The following KLK8 variants were observed in gnomAD, a reference collection of about 807,000 sequenced individuals.
The protein encoded by KLK8 is kallikrein-8.
A neutral mutation model predicts 26.7 loss-of-function variants in KLK8; 18 were observed. The ratio of observed to expected loss-of-function variants is 0.67; its 90% confidence interval spans 0.47 to 1.00. The LOEUF is 1.00. Ranked by LOEUF, KLK8 falls within the 50% of genes least tolerant of loss-of-function variation. The pLI is 0.00. For missense variants in KLK8, 301 were observed against 331.7 expected, an observed-to-expected ratio of 0.91 and a Z score of 0.72; for synonymous variants, 137 against 127.1, an observed-to-expected ratio of 1.08 and a Z score of -0.52.
chr19:50,998,068 G>T, intron 5 of KLK8, 184 bp from the exon 5 acceptor site: 1 of 655,714 alleles, frequency 1.5e-6, no homozygotes, highest in Non-Finnish European at 2.5e-6. Context: ...TGTACTTGTT[G>T]CTATTGGGCT....
intron 4 of KLK8, 62 bp downstream of exon 3, chr19:51,000,362 C>G (rs1192736110): frequency 2.6e-6 from 4 of 1,549,114 alleles, no homozygotes; most frequent in Non-Finnish European, 3.5e-6. Flanking sequence ...CTTCCTGAGT[C>G]GAAACCCCAG....
intron 4 of KLK8, 27 bp downstream of exon 3, chr19:51,000,397 T>C (rs10410942): frequency 0.083 from 131,333 of 1,578,184 alleles, 9,059 homozygotes; most frequent in African/African-American, 0.36. Context: ...AAGCCCCAGC[T>C]GACCTCTGCC....
intron 2 of KLK8, 54 bp from the exon 2 acceptor site, chr19:51,001,229 C>T: frequency 6.6e-7 from 1 of 1,523,958 alleles, no homozygotes; most frequent in Non-Finnish European, 9.0e-7. Context: ...CCTGAGCTCC[C>T]AGTTCTGGAT....
At chr19:50,997,860 C>G in exon 6 of KLK8, 1 of 1,614,188 alleles carries the variant, frequency 6.2e-7, no homozygotes, top group South Asian at 1.1e-5. Context: ...TACTTCTGCA[C>G]AGTTGAGAGT....
chr19:51,000,976 A>T (rs1490792662), intron 3 of KLK8, 122 bp downstream of exon 2: 5 of 974,272 alleles, frequency 5.1e-6, no homozygotes, highest in Non-Finnish European at 7.7e-6. Context: ...CCTGCACCGT[A>T]TCGCACTCTT....
intron 2 of KLK8, 105 bp downstream of exon 1, chr19:51,001,427 A>C (rs774300209): frequency 4.0e-6 from 2 of 501,050 alleles, no homozygotes; most frequent in Non-Finnish European, 7.2e-6. Flanking sequence ...CGGGGTCCAG[A>C]CTGCTGGATC....
intron 6 of KLK8, 116 bp from the exon 6 acceptor site, chr19:50,996,330 G>A (rs1026359675): frequency 5.7e-5 from 63 of 1,106,450 alleles, no homozygotes; most frequent in Non-Finnish European, 7.2e-5. Context: ...AGCCAATGGG[G>A]GTAAAAGCAT....
At position 51,001,080 on chromosome 19, in the gene KLK8, C is replaced by T. The variant is rs892898215; in HGVS notation, c.70+18G>A. 1.2e-6 allele frequency: 2 copies of T among 1,606,054 alleles called. No homozygotes were observed. The highest frequency in any genetic ancestry group is 2.2e-5 in the South Asian group (2 of 89,338). On this transcript the variant is annotated intron_variant, in intron 3 of 6. Transcript: ENST00000600767. ...CTTCAGATCCCTCCCCTCCGGAGGC[C>T]TCCGCAACCCTCCTCACCTGCCCAG... is the stretch of plus-strand genomic sequence containing the variant.
At chr19:51,000,445 G>C in exon 4 of KLK8, 1 of 1,611,726 alleles carries the variant, frequency 6.2e-7, no homozygotes, top group Non-Finnish European at 8.5e-7. Flanking sequence ...GTGGGCAGCT[G>C]TAAGGACCCA....
exon 5 of KLK8, chr19:51,000,039 C>T (rs761874721): frequency 1.9e-6 from 3 of 1,612,554 alleles, no homozygotes; most frequent in East Asian, 2.2e-5. Context: ...CGGTGCACTT[C>T]TGGCCAGGCT....
intron 6 of KLK8, among the ~76,000 whole-genome samples, chr19:50,997,216 G>A (rs2091178267): frequency 6.6e-6 from 1 of 152,122 alleles, no homozygotes; most frequent in Non-Finnish European, 1.5e-5. Context: ...AGGGATTGGA[G>A]CTCATTGAGG....
rs1461488573 is a variant in KLK8, at chr19:50,998,090, G to C, written c.494-206C>G. ...GTTGCTATTGGGCTTTCTCCATCTA[G>C]AGAGGGGCCCTTGGATCTCACGTGT... On this transcript the variant is annotated intron_variant, in intron 5 of 6. Coordinates refer to ENST00000600767, the Ensembl canonical transcript of KLK8. 14 of 572,380 alleles carry C rather than the reference G, an allele frequency of 2.4e-5. No individual in the cohort carries two copies. The South Asian group carries it at 2.7e-4, about 11-fold the overall frequency. 35.5% of individuals were successfully genotyped at this position (572,380 alleles called of 1,614,324 possible).
rs56988162 is a variant in KLK8 at position 50,999,583 on chromosome 19, C to CAAAAAAAAAAAAAAAAA, written c.493+396_493+412dup. Reference sequence around the variant, plus strand: ...GATTGAGTGAAACTGTGTCCCCCTGCAAAAAAAAAAAAAAAAAAAAAAAAA... The same window carrying CAAAAAAAAAAAAAAAAA: ...GATTGAGTGAAACTGTGTCCCCCTGCAAAAAAAAAAAAAAAAAAAAAAAAAAAAAAAAAAAAAAAAAA... On this transcript the variant is annotated intron_variant, in intron 5 of 6. Coordinates refer to ENST00000600767, the Ensembl canonical transcript of KLK8. Among the ~76,000 whole-genome samples, 12 of 30,292 alleles carry CAAAAAAAAAAAAAAAAA rather than the reference C, an allele frequency of 4.0e-4. 4 individuals carry two copies. The highest frequency in any genetic ancestry group is 4.9e-4 in the Non-Finnish European group (7 of 14,196). The allele number at this position is 30,292 out of a possible 152,430, so 19.9% of individuals were successfully genotyped here. A position where few individuals can be genotyped will look rare whatever the true frequency, so the allele number is the denominator to read the frequency against.
intron 3 of KLK8, 101 bp from the exon 3 acceptor site, chr19:51,000,684 A>G (rs537843188): frequency 4.1e-5 from 64 of 1,564,550 alleles, no homozygotes; most frequent in Middle Eastern, 3.4e-4. Flanking sequence ...AGTTCTCCGC[A>G]TACAACTTAG....
chr19:50,996,261 C>A (rs746199041), intron 6 of KLK8, 47 bp from the exon 6 acceptor site: 3 of 1,592,930 alleles, frequency 1.9e-6, no homozygotes, highest in Non-Finnish European at 1.7e-6. Context: ...ATGTCCACAA[C>A]GTCCCTTTTC....
At chr19:50,996,182 A>G (rs144766421) in exon 7 of KLK8, 1 of 1,614,064 alleles carries the variant, frequency 6.2e-7, no homozygotes, top group Non-Finnish European at 8.5e-7. Flanking sequence ...CCTGGAGTGC[A>G]CCATCACACA....
At chr19:50,998,766 T>C (rs13345336) in intron 5 of KLK8, among the ~76,000 whole-genome samples, 5,895 of 152,262 alleles carry the variant, frequency 0.039, 219 homozygotes, top group African/African-American at 0.093. Context: ...GCATCTACCA[T>C]GTAGCAGGCA....
rs753225232 is a variant in KLK8, at chr19:50,996,925, CA to C, written c.628-712del. Among the ~76,000 whole-genome samples the C allele has an allele frequency of 2.5e-3, 371 of 151,204 alleles. 1 individual carries two copies. The highest frequency in any genetic ancestry group is 7.6e-3 in the African/African-American group (314 of 41,224). On this transcript the variant is annotated intron_variant, in intron 6 of 6. Transcript: ENST00000600767. The stretch of plus-strand genomic sequence containing the variant: ...ACACACACACACACACACACACACA[CA>C]CACACACACACACCATATCCCCAAG...
chr19:50,997,514 G>A (rs1003093124), intron 6 of KLK8, among the ~76,000 whole-genome samples: 1 of 152,132 alleles, frequency 6.6e-6, no homozygotes, highest in African/African-American at 2.4e-5. Flanking sequence ...CTGTAGTTAA[G>A]CGTTCGAAAG....
Sources: allele counts gnomAD v4.1 joint callset (sites outside exome capture counted in the v4.1 genomes callset), GRCh38; gene constraint gnomAD v4.1.1; transcripts MANE v1.5; gene names NCBI Gene and HGNC (gene_info 2026-07-23, HGNC 2026-07-21).